The following ASIC2 variants were observed in gnomAD, a reference collection of about 807,000 sequenced individuals.
ASIC2 encodes acid sensing ion channel subunit 2.
Under a neutral mutation model 57.3 loss-of-function variants are expected in ASIC2, and 25 were observed. The ratio of observed to expected loss-of-function variants is 0.44; its 90% CI spans 0.32 to 0.61. The LOEUF is 0.61. Ranked by LOEUF, ASIC2 falls within the 20% of genes least tolerant of loss-of-function variation. ASIC2 has a pLI of 0.06. For synonymous variants in ASIC2, 319 were observed against 307.5 expected (o/e 1.04, Z -0.39); for missense variants, 641 against 738.1 (o/e 0.87, Z 1.52).
intron 1 of ASIC2, among the ~76,000 whole-genome samples, chr17:33,881,415 T>G (rs1363523147): frequency 6.6e-6 from 1 of 152,188 alleles, no homozygotes; most frequent in East Asian, 1.9e-4. Flanking sequence ...CAGCAAAGTC[T>G]CAGGATACAA....
chr17:33,311,874 T>G (rs1567819192), intron 1 of ASIC2, among the ~76,000 whole-genome samples: 1 of 152,204 alleles, frequency 6.6e-6, no homozygotes, highest in Non-Finnish European at 1.5e-5. Context: ...CACCTTCCTC[T>G]TGAGTTTCTC....
At chr17:33,568,562 T>G (rs1344607030) in intron 1 of ASIC2, among the ~76,000 whole-genome samples, 1 of 152,166 alleles carries the variant, frequency 6.6e-6, no homozygotes, top group Admixed American at 6.5e-5. Context: ...ATCTTAAGTA[T>G]GAAATGACAC....
chr17:33,725,916 G>A (rs1205996405), intron 1 of ASIC2, among the ~76,000 whole-genome samples: 1 of 152,110 alleles, frequency 6.6e-6, no homozygotes, highest in Non-Finnish European at 1.5e-5. Context: ...CCGCTTCCTG[G>A]TCCAGGAGCC....
At chr17:33,725,430 G>T (rs1909517301) in intron 1 of ASIC2, among the ~76,000 whole-genome samples, 1 of 152,080 alleles carries the variant, frequency 6.6e-6, no homozygotes, top group Non-Finnish European at 1.5e-5. Flanking sequence ...AGGGCAGCCT[G>T]CAGTGATGGG....
At position 33,283,865 on chromosome 17, in the gene ASIC2, A is replaced by G. The variant is rs80001049; in HGVS notation, c.708+7543T>C. Among the ~76,000 whole-genome samples the G allele has an allele frequency of 3.3e-3, 499 of 152,314 alleles. 3 individuals carry two copies. The highest frequency in any genetic ancestry group is 5.0e-3 in the Non-Finnish European group (339 of 68,028). ...ATTACAAATGCAGGTTTGTCTGGCC[A>G]AAGCTGCACCAAGATCTTTTTGTGG... is the stretch of plus-strand genomic sequence containing the variant. On this transcript the variant is annotated intron_variant, in intron 1 of 9. Transcript: ENST00000225823.
chr17:33,865,945 A>G (rs950158563), intron 1 of ASIC2, among the ~76,000 whole-genome samples: 1 of 151,910 alleles, frequency 6.6e-6, no homozygotes, highest in Non-Finnish European at 1.5e-5. Context: ...AAAGGTAACT[A>G]TTCTCTTGAT....
intron 1 of ASIC2, among the ~76,000 whole-genome samples, chr17:33,868,309 A>T (rs887583479): frequency 6.6e-6 from 1 of 152,136 alleles, no homozygotes; most frequent in African/African-American, 2.4e-5. Context: ...GAAAACAGCT[A>T]TAGATAGTAT....
chr17:33,602,020 C>G (rs1330413904), intron 1 of ASIC2, among the ~76,000 whole-genome samples: 1 of 152,234 alleles, frequency 6.6e-6, no homozygotes, highest in Non-Finnish European at 1.5e-5. Context: ...GTTAATTTCA[C>G]AGGCTCACAG....
chr17:33,451,911 A>G (rs1223249669), intron 1 of ASIC2, among the ~76,000 whole-genome samples: 1 of 152,194 alleles, frequency 6.6e-6, no homozygotes, highest in Non-Finnish European at 1.5e-5. Context: ...TTATATGTCT[A>G]TGATGGTAGG....
chr17:33,590,852 T>C (rs185885019), intron 1 of ASIC2, among the ~76,000 whole-genome samples: 1 of 152,338 alleles, frequency 6.6e-6, no homozygotes, highest in African/African-American at 2.4e-5. Context: ...GGAGCTGTAG[T>C]CTTCTCCCTC....
chr17:33,491,058 T>C (rs549517956), intron 1 of ASIC2, among the ~76,000 whole-genome samples: 1 of 152,316 alleles, frequency 6.6e-6, no homozygotes, highest in South Asian at 2.1e-4. Context: ...ATCTCCCCTG[T>C]TCCTCTTCCT....
At chr17:33,369,735 C>T (rs1225667995) in intron 1 of ASIC2, among the ~76,000 whole-genome samples, 1 of 152,156 alleles carries the variant, frequency 6.6e-6, no homozygotes, top group Non-Finnish European at 1.5e-5. Context: ...GCTGGCATTC[C>T]AACTCAGATT....
intron 1 of ASIC2, among the ~76,000 whole-genome samples, chr17:33,867,041 C>T (rs1914255242): frequency 6.6e-6 from 1 of 152,198 alleles, no homozygotes; most frequent in Non-Finnish European, 1.5e-5. Flanking sequence ...CCAGCTACTG[C>T]TGCAGACGTT....
At chr17:34,057,180 T>A (rs201255240) in intron 1 of ASIC2, among the ~76,000 whole-genome samples, 1 of 102,542 alleles carries the variant, frequency 9.8e-6, no homozygotes, top group Non-Finnish European at 1.9e-5. Context: ...TATTTACACA[T>A]AGAGACATGT....
intron 1 of ASIC2, among the ~76,000 whole-genome samples, chr17:33,431,696 T>C (rs776750838): frequency 3.3e-5 from 5 of 152,134 alleles, no homozygotes; most frequent in Non-Finnish European, 7.4e-5. Flanking sequence ...CTCTGTGAAG[T>C]TAGAAAAGCT....
At chr17:33,880,274 A>G (rs1236048077) in intron 1 of ASIC2, among the ~76,000 whole-genome samples, 1 of 152,220 alleles carries the variant, frequency 6.6e-6, no homozygotes, top group African/African-American at 2.4e-5. Flanking sequence ...ACTGAAGGAA[A>G]TAGAGACACA....
chr17:33,504,375 G>C (rs906498426), intron 1 of ASIC2, among the ~76,000 whole-genome samples: 1 of 152,194 alleles, frequency 6.6e-6, no homozygotes, highest in Non-Finnish European at 1.5e-5. Flanking sequence ...GTCTCACTCT[G>C]TTTCCCAGGC....
intron 1 of ASIC2, among the ~76,000 whole-genome samples, chr17:33,336,411 G>A (rs1197265083): frequency 6.6e-6 from 1 of 151,898 alleles, no homozygotes; most frequent in Non-Finnish European, 1.5e-5. Context: ...CTAAAATGTT[G>A]TTTATTTTCG....
intron 1 of ASIC2, among the ~76,000 whole-genome samples, chr17:33,259,973 A>C (rs1413032999): frequency 6.6e-6 from 1 of 152,104 alleles, no homozygotes; most frequent in African/African-American, 2.4e-5. Context: ...CTCTATATTA[A>C]AGATGCTGAG....
Sources: allele counts gnomAD v4.1 joint callset (sites outside exome capture counted in the v4.1 genomes callset), GRCh38; gene constraint gnomAD v4.1.1; transcripts MANE v1.5; gene names NCBI Gene and HGNC (gene_info 2026-07-23, HGNC 2026-07-21).